Variants in BEND7 observed in about 807,000 individuals in gnomAD.
BEND7 encodes BEN domain-containing protein 7.
In BEND7, 28 loss-of-function variants were observed where a neutral mutation model predicts 50.9. The ratio of observed to expected loss-of-function variants is 0.55; its 90% CI spans 0.41 to 0.75. BEND7 has a LOEUF of 0.75. BEND7 is among the 30% of genes least tolerant of loss of function. The probability of loss-of-function intolerance (pLI) is 0.00; values close to 1 mark genes in which losing one functional copy is unlikely to be tolerated. For missense variants in BEND7, 477 were observed against 491.3 expected, an observed-to-expected ratio of 0.97 and a Z score of 0.28; for synonymous variants, 170 against 183.9, an observed-to-expected ratio of 0.92 and a Z score of 0.61.
At chr10:13,527,894 T>A in intron 1 of BEND7, 2 of 968,436 alleles carry the variant, frequency 2.1e-6, no homozygotes, top group South Asian at 9.5e-5. Flanking sequence ...TTTTCTTTTT[T>A]CTTTTTTTTA....
At position 13,492,743 on chromosome 10, in the gene BEND7, G is replaced by A. The variant is rs1433141432; in HGVS notation, c.705C>T (p.Pro235=). The A allele has an allele frequency of 1.9e-6, 3 of 1,613,898 alleles. No homozygotes were observed. Among genetic ancestry groups the A allele is most frequent in the Non-Finnish European group, 2.5e-6 (3 of 1,179,998 alleles). Residue 235 remains proline (P), a synonymous_variant, in exon 5 of 9, where the codon CCC becomes CCT. Transcript: ENST00000466271. ...ACTTTTTCTCCATCTCTGACCCACT[G>A]GGCTTCTGTTTCACAGTAAGAGGTT... ...TVEPLTVKQK[P]SGSEMEKKSV... is the part of the protein sequence containing the mutation.
At position 13,486,151 on chromosome 10, in the gene BEND7, T is replaced by C. The variant is rs542821244; in HGVS notation, c.838-5027A>G. 2.0e-5 allele frequency among the ~76,000 whole-genome samples: 3 copies of C among 152,344 alleles called. No homozygotes were observed. In the South Asian group the frequency reaches 6.2e-4, roughly 32 times the overall value. ...TCCTCAGCCTGCCAAAATGCTGAGA[T>C]TACAGGCATGTGCTACCCTGCCCAG... is the stretch of plus-strand genomic sequence containing the variant. On this transcript the variant is annotated intron_variant, in intron 5 of 8. Coordinates refer to ENST00000466271, the MANE Select transcript of BEND7 (RefSeq NM_001369863.1).
chr10:13,525,469 G>GT (rs1360423789), intron 2 of BEND7, among the ~76,000 whole-genome samples: 1 of 152,202 alleles, frequency 6.6e-6, no homozygotes, highest in Non-Finnish European at 1.5e-5. Context: ...AACAAGGATG[G>GT]TAAGAGGAAA....
intron 3 of BEND7, among the ~76,000 whole-genome samples, chr10:13,497,856 T>C (rs2077134410): frequency 6.6e-6 from 1 of 152,166 alleles, no homozygotes; most frequent in Non-Finnish European, 1.5e-5. Context: ...ATACTTTATA[T>C]ACCTTAAATC....
At chr10:13,481,216 G>T in intron 5 of BEND7, 92 bp from the exon 6 acceptor site, 2 of 1,150,836 alleles carry the variant, frequency 1.7e-6, no homozygotes, top group Non-Finnish European at 2.5e-6. Flanking sequence ...ACTAGCTACT[G>T]AAATGTACAT....
intron 6 of BEND7, among the ~76,000 whole-genome samples, chr10:13,465,711 T>G (rs900224767): frequency 6.6e-6 from 1 of 152,178 alleles, no homozygotes; most frequent in African/African-American, 2.4e-5. Context: ...CACACTTTTT[T>G]TTTTCCTAGA....
chr10:13,480,562 A>C (rs1036258485), intron 6 of BEND7: 50 of 872,578 alleles, frequency 5.7e-5, no homozygotes, highest in Non-Finnish European at 6.9e-5. Flanking sequence ...TCATAACTCA[A>C]ACTTTAAGTT....
intron 8 of BEND7, chr10:13,442,310 T>C (rs1375157068): frequency 6.6e-6 from 1 of 152,458 alleles, no homozygotes; most frequent in Non-Finnish European, 1.5e-5. Context: ...CCGGGTTTGG[T>C]GATGTGTAGT....
chr10:13,517,969 C>T (rs1470973421), intron 2 of BEND7, among the ~76,000 whole-genome samples: 1 of 152,198 alleles, frequency 6.6e-6, no homozygotes, highest in Non-Finnish European at 1.5e-5. Flanking sequence ...CATCCCAGGT[C>T]TATTTTTAAC....
At chr10:13,458,611 C>T (rs1020940475) in intron 6 of BEND7, among the ~76,000 whole-genome samples, 1 of 152,216 alleles carries the variant, frequency 6.6e-6, no homozygotes, top group African/African-American at 2.4e-5. Context: ...TCAAGGTTTA[C>T]ATCATGCATG....
At chr10:13,514,150 T>C (rs562193622) in intron 2 of BEND7, among the ~76,000 whole-genome samples, 1 of 152,330 alleles carries the variant, frequency 6.6e-6, no homozygotes, top group African/African-American at 2.4e-5. Flanking sequence ...TCCTGTCCCA[T>C]GTTCCCACAG....
chr10:13,466,558 CA>C (rs143207918), intron 6 of BEND7, among the ~76,000 whole-genome samples: 49,638 of 144,140 alleles, frequency 0.34, 8,923 homozygotes, highest in East Asian at 0.69. Flanking sequence ...GAAACTGTCT[CA>C]AAAAAAAAAA....
intron 3 of BEND7, among the ~76,000 whole-genome samples, chr10:13,497,385 T>G (rs2077098791): frequency 6.6e-6 from 1 of 152,228 alleles, no homozygotes; most frequent in Admixed American, 6.5e-5. Context: ...CAAAGAACTG[T>G]GCACACATGA....
intron 6 of BEND7, among the ~76,000 whole-genome samples, chr10:13,474,457 C>T (rs748758972): frequency 2.2e-4 from 34 of 152,166 alleles, no homozygotes; most frequent in Middle Eastern, 3.4e-3. Context: ...CTGTTAGACT[C>T]GGGTCAATAC....
rs1057007637 is a variant in BEND7, at chr10:13,528,407, G to A, written c.61+66C>T. ...CCGGGAGGGCGCGCCCCCCAGCGTG[G>A]ACCCCCGCGGGCGGCCGAGGGCGCG... On this transcript the variant is annotated intron_variant, in intron 1 of 8. Coordinates refer to ENST00000466271, the MANE Select transcript of BEND7 (RefSeq NM_001369863.1). 9.4e-5 allele frequency: 75 copies of A among 798,422 alleles called. No homozygotes were observed. In the African/African-American group the frequency reaches 1.4e-3, roughly 15 times the overall value. The allele number at this position is 798,422 out of a possible 1,614,324, so 49.5% of individuals were successfully genotyped here.
At chr10:13,500,962 G>T (rs1442800164) in intron 2 of BEND7, 8 of 412,530 alleles carry the variant, frequency 1.9e-5, no homozygotes, top group Non-Finnish European at 2.6e-5. Flanking sequence ...CACCTACACT[G>T]ACTTCTTTTT....
At chr10:13,439,237 G>T (rs1300613912), downstream of BEND7, 8 of 1,614,172 alleles carry the variant, frequency 5.0e-6, no homozygotes, top group Non-Finnish European at 6.8e-6. Flanking sequence ...GGAAAGTTGC[G>T]AATCCCTCTC....
rs573599505 is a variant in BEND7 at position 13,467,773 on chromosome 10, T to C, written c.1063+13126A>G. On this transcript the variant is annotated intron_variant, in intron 6 of 8. Coordinates refer to ENST00000466271, the MANE Select transcript of BEND7 (RefSeq NM_001369863.1). ...CGTATCCAATGTGGGAGTGCTGTTT[T>C]GATTTTTAAGAAACCTGTGGGAGTG... is the stretch of plus-strand genomic sequence containing the variant. Among the ~76,000 whole-genome samples, 6 of 152,168 alleles carry C rather than the reference T, an allele frequency of 3.9e-5. No homozygotes were observed. In the East Asian group the frequency reaches 7.7e-4, roughly 20 times the overall value.
intron 8 of BEND7, 84 bp from the exon 9 acceptor site, chr10:13,441,834 G>A (rs1835370950): frequency 7.2e-7 from 1 of 1,395,074 alleles, no homozygotes. Flanking sequence ...AGGTATGATG[G>A]AAATAATTTC....
Sources: allele counts gnomAD v4.1 joint callset (sites outside exome capture counted in the v4.1 genomes callset), GRCh38; gene constraint gnomAD v4.1.1; transcripts MANE v1.5; gene names NCBI Gene and HGNC (gene_info 2026-07-23, HGNC 2026-07-21).